CDH12: variants seen among roughly 807,000 people sequenced by gnomAD.
CDH12 encodes the protein cadherin-12.
Under a neutral mutation model 74.1 loss-of-function variants are expected in CDH12, and 41 were observed. That is an observed-to-expected ratio of 0.55 (90% confidence interval 0.43 to 0.72). The LOEUF is 0.72. CDH12 is among the 30% of genes least tolerant of loss of function. The pLI, the probability that CDH12 is intolerant of heterozygous loss-of-function variation, is 0.00. For synonymous variants in CDH12, 399 were observed against 355.0 expected (o/e 1.12, Z -1.39); for missense variants, 945 against 977.2 (o/e 0.97, Z 0.44).
At chr5:22,174,773 A>G (rs1417832112) in intron 4 of CDH12, among the ~76,000 whole-genome samples, 1 of 151,994 alleles carries the variant, frequency 6.6e-6, no homozygotes, top group Non-Finnish European at 1.5e-5. Flanking sequence ...CTGGTCACCA[A>G]TGATAAAAAG....
chr5:22,209,857 C>T (rs1248090224), intron 4 of CDH12, among the ~76,000 whole-genome samples: 2 of 152,018 alleles, frequency 1.3e-5, no homozygotes, highest in Non-Finnish European at 2.9e-5. Flanking sequence ...GAAACAGTCA[C>T]CATATATGAG....
intron 4 of CDH12, among the ~76,000 whole-genome samples, chr5:22,080,001 C>T (rs1742610577): frequency 6.6e-6 from 1 of 151,896 alleles, no homozygotes; most frequent in South Asian, 2.1e-4. Context: ...TAAAAGCATT[C>T]CTATATTTTC....
intron 1 of CDH12, among the ~76,000 whole-genome samples, chr5:22,738,099 C>A (rs1223005890): frequency 6.6e-6 from 1 of 151,858 alleles, no homozygotes; most frequent in Non-Finnish European, 1.5e-5. Context: ...AATATAAAAC[C>A]TTGAGTAGCT....
intron 3 of CDH12, among the ~76,000 whole-genome samples, chr5:22,376,558 GT>G (rs1561356470): frequency 6.6e-6 from 1 of 151,988 alleles, no homozygotes; most frequent in African/African-American, 2.4e-5. Context: ...TTGAGACAGG[GT>G]CTCACTCTGT....
At chr5:21,995,144 C>T (rs1736206325) in intron 5 of CDH12, among the ~76,000 whole-genome samples, 5 of 152,012 alleles carry the variant, frequency 3.3e-5, no homozygotes, top group Admixed American at 3.3e-4. Context: ...CCGGACACAC[C>T]ACGTTTAAGA....
intron 1 of CDH12, among the ~76,000 whole-genome samples, chr5:22,766,380 A>G (rs1364378536): frequency 2.6e-5 from 4 of 152,098 alleles, no homozygotes; most frequent in South Asian, 2.1e-4. Flanking sequence ...AAGTACCTCA[A>G]TATAAACAAT....
intron 6 of CDH12, among the ~76,000 whole-genome samples, chr5:21,934,703 T>C (rs1219811687): frequency 6.6e-6 from 1 of 152,142 alleles, no homozygotes; most frequent in African/African-American, 2.4e-5. Flanking sequence ...TCTTTGATGG[T>C]TTCTGGTGGG....
At chr5:22,835,469 T>TA (rs1460044435) in intron 1 of CDH12, among the ~76,000 whole-genome samples, 2 of 152,130 alleles carry the variant, frequency 1.3e-5, no homozygotes, top group South Asian at 2.1e-4. Context: ...CTTTTAGGAG[T>TA]AAAAAATAGA....
chr5:22,731,474 T>C (rs1744428801), intron 1 of CDH12, among the ~76,000 whole-genome samples: 1 of 151,902 alleles, frequency 6.6e-6, no homozygotes, highest in African/African-American at 2.4e-5. Context: ...AATCACTTAA[T>C]GAAAGTTAAA....
chr5:22,701,678 C>T lies in CDH12; in HGVS notation c.-523+151380G>A, dbSNP rs971055918. On this transcript the variant is annotated intron_variant, in intron 1 of 14. Coordinates refer to ENST00000382254, the MANE Select transcript of CDH12 (RefSeq NM_004061.5). Reference sequence around the variant, plus strand: ...ATCAATTTGGGAGGAACCTTCTACTCCCATATTTTACCTACCAGGCTTCTT... The same window carrying T: ...ATCAATTTGGGAGGAACCTTCTACTTCCATATTTTACCTACCAGGCTTCTT... Among the ~76,000 whole-genome samples, 14 of 152,174 alleles carry T rather than the reference C, an allele frequency of 9.2e-5. No homozygotes were observed. In the East Asian group the frequency reaches 2.7e-3, roughly 30 times the overall value.
At chr5:22,352,722 C>T (rs1740406931) in intron 3 of CDH12, among the ~76,000 whole-genome samples, 1 of 152,152 alleles carries the variant, frequency 6.6e-6, no homozygotes, top group African/African-American at 2.4e-5. Flanking sequence ...GGAGGTGGAG[C>T]TCTCTTTGAA....
At chr5:21,888,651 CAT>C (rs1417795696) in intron 6 of CDH12, among the ~76,000 whole-genome samples, 5 of 152,072 alleles carry the variant, frequency 3.3e-5, no homozygotes, top group Non-Finnish European at 7.4e-5. Context: ...ACAATTCAAA[CAT>C]GTGGGAGGTA....
intron 3 of CDH12, among the ~76,000 whole-genome samples, chr5:22,256,715 T>C (rs1353404821): frequency 6.6e-6 from 1 of 152,176 alleles, no homozygotes; most frequent in Non-Finnish European, 1.5e-5. Flanking sequence ...ATATTGATAA[T>C]CTTGACCCTG....
chr5:22,315,359 C>T lies in CDH12; in HGVS notation c.-333+89898G>A, dbSNP rs115707739. Among the ~76,000 whole-genome samples, 610 of 151,922 alleles carry T rather than the reference C, an allele frequency of 4.0e-3. 2 individuals carry two copies. The highest frequency in any genetic ancestry group is 0.013 in the African/African-American group (558 of 41,424). On this transcript the variant is annotated intron_variant, in intron 3 of 14. Transcript: ENST00000382254. ...AAAACCCTGGAGTCCATGCAGATAG[C>T]TTACTAGATTTTGTGACGATGAGTT...
chr5:21,921,156 AAAAG>A (rs1422853724), intron 6 of CDH12, among the ~76,000 whole-genome samples: 2 of 152,210 alleles, frequency 1.3e-5, no homozygotes, highest in African/African-American at 2.4e-5. Context: ...GAGGATAAAT[AAAAG>A]AAATAAAAAA....
rs562133437 is a variant in CDH12, at chr5:22,351,163, T to C, written c.-333+54094A>G. ...TTATTGAGTGCCCTATCATACAAAG[T>C]CTTCCCAAGATTATACTGAGAGTGG... On this transcript the variant is annotated intron_variant, in intron 3 of 14. Transcript: ENST00000382254. 3.3e-3 allele frequency among the ~76,000 whole-genome samples: 498 copies of C among 152,182 alleles called. 3 individuals are homozygous for C. Among genetic ancestry groups the C allele is most frequent in the African/African-American group, 0.011 (472 of 41,512 alleles).
chr5:21,796,383 G>A (rs1746780681), intron 10 of CDH12, among the ~76,000 whole-genome samples: 1 of 73,322 alleles, frequency 1.4e-5, no homozygotes, highest in South Asian at 4.2e-4. Context: ...TGAACTGAAG[G>A]GGAAAAAGGA....
At chr5:22,438,632 C>T (rs1323054144) in intron 2 of CDH12, among the ~76,000 whole-genome samples, 1 of 151,884 alleles carries the variant, frequency 6.6e-6, no homozygotes, top group African/African-American at 2.4e-5. Flanking sequence ...TTCAAATGCT[C>T]AATAATCTCA....
intron 2 of CDH12, among the ~76,000 whole-genome samples, chr5:22,429,558 T>G (rs993896761): frequency 1.9e-4 from 29 of 152,180 alleles, no homozygotes; most frequent in African/African-American, 7.0e-4. Context: ...CTTGTTTCCT[T>G]ATTTCTGCCA....
Sources: allele counts gnomAD v4.1 joint callset (sites outside exome capture counted in the v4.1 genomes callset), GRCh38; gene constraint gnomAD v4.1.1; transcripts MANE v1.5; gene names NCBI Gene and HGNC (gene_info 2026-07-23, HGNC 2026-07-21).